SNX29: variants seen among roughly 807,000 people sequenced by gnomAD.
SNX29 encodes the protein sorting nexin-29.
SNX29 carries 78 observed loss-of-function variants against 102.1 expected under a neutral mutation model. The observed-to-expected ratio is 0.76, with a 90% CI of 0.64 to 0.92. SNX29 has a LOEUF of 0.92. Among genes scored for constraint, SNX29 ranks in the 40% least tolerant of loss-of-function variants. SNX29 has a pLI of 0.00. For synonymous variants in SNX29, 580 were observed against 414.5 expected (o/e 1.40, Z -4.85); for missense variants, 1,280 against 1,061.7 (o/e 1.21, Z -2.86).
intron 16 of SNX29, among the ~76,000 whole-genome samples, chr16:12,368,919 G>A (rs1241875539): frequency 6.6e-6 from 1 of 152,124 alleles, no homozygotes; most frequent in Admixed American, 6.5e-5. Context: ...TCTGAACCGG[G>A]TGCACAGATA....
chr16:12,376,032 C>CACA (rs769908348), intron 16 of SNX29: 3 of 83,966 alleles, frequency 3.6e-5, no homozygotes, highest in African/African-American at 5.4e-5. Flanking sequence ...GACTCCGTCT[C>CACA]AAAAAAAAAA....
At chr16:12,562,942 A>C (rs12935552) in intron 20 of SNX29, among the ~76,000 whole-genome samples, 39,635 of 151,998 alleles carry the variant, frequency 0.26, 5,751 homozygotes, top group East Asian at 0.44. Context: ...CTGCATAGTA[A>C]GAAGCAAACA....
rs141249525 is a variant in SNX29 at position 12,568,966 on chromosome 16, G to A, written c.*337G>A. The A allele has an allele frequency of 3.3e-4, 119 of 364,300 alleles. No homozygotes were observed. The highest frequency in any genetic ancestry group is 9.7e-4 in the South Asian group (20 of 20,574). The allele number at this position is 364,300 out of a possible 1,614,324, so 22.6% of individuals were successfully genotyped here. On this transcript the variant is annotated 3_prime_UTR_variant, in exon 21 of 21. Coordinates refer to ENST00000566228, the MANE Select transcript of SNX29 (RefSeq NM_032167.5). ...GTGGGCACCAGGTCAGGCTGGGTGC[G>A]CCATGGTTGAGAGGCAAAGGTGATC...
chr16:12,036,798 A>T (rs978239227), intron 4 of SNX29, among the ~76,000 whole-genome samples: 29 of 152,170 alleles, frequency 1.9e-4, no homozygotes, highest in Non-Finnish European at 4.0e-4. Flanking sequence ...TGATTGTCAG[A>T]TGACTGAAGA....
chr16:12,555,858 C>A (rs2078308129), intron 20 of SNX29, among the ~76,000 whole-genome samples: 1 of 152,180 alleles, frequency 6.6e-6, no homozygotes, highest in Non-Finnish European at 1.5e-5. Flanking sequence ...CCACCTCCAT[C>A]ATTTTCTCCA....
chr16:12,310,093 C>T (rs1422012397), intron 15 of SNX29, among the ~76,000 whole-genome samples: 1 of 142,710 alleles, frequency 7.0e-6, no homozygotes, highest in Non-Finnish European at 1.5e-5. Context: ...TGCACACATG[C>T]ACACACATGC....
chr16:12,037,915 A>G (rs1028233365), intron 4 of SNX29, among the ~76,000 whole-genome samples: 2 of 152,122 alleles, frequency 1.3e-5, no homozygotes, highest in African/African-American at 4.8e-5. Context: ...TGATTGTGCC[A>G]CTGTGCTCTA....
intron 20 of SNX29, among the ~76,000 whole-genome samples, chr16:12,560,579 T>C (rs1048654050): frequency 1.3e-5 from 2 of 152,196 alleles, no homozygotes; most frequent in African/African-American, 4.8e-5. Flanking sequence ...TTGGGGTCTG[T>C]CCATCTGTAC....
At chr16:12,213,731 C>G (rs947780833) in intron 14 of SNX29, among the ~76,000 whole-genome samples, 1 of 152,190 alleles carries the variant, frequency 6.6e-6, no homozygotes, top group Non-Finnish European at 1.5e-5. Context: ...ATTACCCTGA[C>G]AAAACAGTAT....
At chr16:12,164,044 T>C (rs750876640) in intron 13 of SNX29, among the ~76,000 whole-genome samples, 27 of 152,132 alleles carry the variant, frequency 1.8e-4, no homozygotes, top group Admixed American at 6.5e-4. Context: ...ATCTTTTGGT[T>C]GGGAGGGTTT....
chr16:12,157,514 C>T (rs2055602160), intron 13 of SNX29, among the ~76,000 whole-genome samples: 1 of 152,154 alleles, frequency 6.6e-6, no homozygotes, highest in South Asian at 2.1e-4. Flanking sequence ...GAGTGCTCTG[C>T]AGTATTATCC....
At chr16:12,158,567 C>T (rs980165049) in intron 13 of SNX29, among the ~76,000 whole-genome samples, 4 of 152,200 alleles carry the variant, frequency 2.6e-5, no homozygotes, top group Admixed American at 6.5e-5. Flanking sequence ...TTTTGTGGTC[C>T]ATTTGCCTAA....
intron 13 of SNX29, among the ~76,000 whole-genome samples, chr16:12,182,234 A>C (rs2076403195): frequency 6.6e-6 from 1 of 151,080 alleles, no homozygotes; most frequent in Non-Finnish European, 1.5e-5. Flanking sequence ...AGAGATTAAA[A>C]AATTATTCTG....
chr16:12,255,063 G>A (rs979417890), intron 14 of SNX29, among the ~76,000 whole-genome samples: 2 of 152,182 alleles, frequency 1.3e-5, no homozygotes, highest in African/African-American at 4.8e-5. Context: ...GGTGTACAAT[G>A]TGCTGTTTTG....
At chr16:12,562,305 T>C (rs1011322875) in intron 20 of SNX29, among the ~76,000 whole-genome samples, 2 of 152,200 alleles carry the variant, frequency 1.3e-5, no homozygotes, top group African/African-American at 2.4e-5. Context: ...ACGTTATCGT[T>C]GGCTTTGTCC....
intron 18 of SNX29, among the ~76,000 whole-genome samples, chr16:12,405,686 A>G (rs1449999303): frequency 2.0e-5 from 3 of 152,360 alleles, no homozygotes; most frequent in East Asian, 3.9e-4. Flanking sequence ...TATTGCATAG[A>G]AGGTGACTCA....
chr16:12,263,923 C>T (rs112886016), intron 14 of SNX29, among the ~76,000 whole-genome samples: 17 of 152,302 alleles, frequency 1.1e-4, no homozygotes, highest in East Asian at 7.7e-4. Context: ...TCTAGGTAGA[C>T]GGTCAAGGTC....
chr16:12,021,748 C>T lies in SNX29; in HGVS notation c.123-5572C>T, dbSNP rs78024260. ...ACTAAAAATACACACAAAAAATGGC[C>T]GGACGTGGTGGCCCGTGGCTGTAAT... On this transcript the variant is annotated intron_variant, in intron 3 of 20. Coordinates refer to ENST00000566228, the MANE Select transcript of SNX29 (RefSeq NM_032167.5). Among the ~76,000 whole-genome samples the T allele has an allele frequency of 3.3e-3, 504 of 151,952 alleles. 2 individuals are homozygous for T. The highest frequency in any genetic ancestry group is 0.011 in the African/African-American group (462 of 41,456).
chr16:12,262,511 C>T (rs1339510046), intron 14 of SNX29, among the ~76,000 whole-genome samples: 7 of 152,284 alleles, frequency 4.6e-5, no homozygotes, highest in Non-Finnish European at 8.8e-5. Context: ...TGGAATAGAT[C>T]GTTGGTTCGA....
Sources: allele counts gnomAD v4.1 joint callset (sites outside exome capture counted in the v4.1 genomes callset), GRCh38; gene constraint gnomAD v4.1.1; transcripts MANE v1.5; gene names NCBI Gene and HGNC (gene_info 2026-07-23, HGNC 2026-07-21).